The following RXFP1 variants were observed in gnomAD, a reference collection of about 807,000 sequenced individuals.
RXFP1 encodes the protein relaxin family peptide receptor 1.
RXFP1 carries 73 observed loss-of-function variants against 89.8 expected under a neutral mutation model. The observed-to-expected ratio is 0.81, with a 90% CI of 0.67 to 0.99. The LOEUF (loss-of-function observed/expected upper bound fraction) is 0.99. Ranked by LOEUF, RXFP1 falls within the 50% of genes least tolerant of loss-of-function variation. The pLI is 0.00. For missense variants in RXFP1, 793 were observed against 895.5 expected (o/e 0.89, Z 1.46); for synonymous variants, 277 against 305.5 (o/e 0.91, Z 0.97).
At chr4:158,574,175 T>C (rs982354126) in intron 2 of RXFP1, among the ~76,000 whole-genome samples, 4 of 152,284 alleles carry the variant, frequency 2.6e-5, no homozygotes, top group Middle Eastern at 3.4e-3. Context: ...AGTAGTAAGA[T>C]TTCTCACCTG....
At chr4:158,549,285 T>G (rs904775430) in intron 1 of RXFP1, among the ~76,000 whole-genome samples, 69 of 152,260 alleles carry the variant, frequency 4.5e-4, no homozygotes, top group Middle Eastern at 3.2e-3. Context: ...TTCTCGAGCC[T>G]TGGCTTTCAG....
intron 1 of RXFP1, among the ~76,000 whole-genome samples, chr4:158,549,555 C>T (rs1749526133): frequency 1.3e-5 from 2 of 152,258 alleles, no homozygotes; most frequent in South Asian, 2.1e-4. Context: ...AGTTTTTCTG[C>T]TCTGTTTTTT....
At chr4:158,567,250 C>A (rs1246403495) in intron 1 of RXFP1, among the ~76,000 whole-genome samples, 2 of 152,168 alleles carry the variant, frequency 1.3e-5, no homozygotes, top group Non-Finnish European at 2.9e-5. Context: ...TCCAGGGCAC[C>A]CAGTCCCATT....
At chr4:158,550,746 A>G (rs1002875746) in intron 1 of RXFP1, among the ~76,000 whole-genome samples, 23 of 152,198 alleles carry the variant, frequency 1.5e-4, no homozygotes, top group African/African-American at 4.8e-4. Context: ...GTAAAGGCAC[A>G]TTGGTTAAGA....
At chr4:158,644,462 CATAACTTCA>C (rs1771114280) in intron 14 of RXFP1, among the ~76,000 whole-genome samples, 1 of 150,888 alleles carries the variant, frequency 6.6e-6, no homozygotes, top group Non-Finnish European at 1.5e-5. Flanking sequence ...GAAATAACAT[CATAACTTCA>C]ATAACAAAAA....
At chr4:158,616,329 T>G (rs1764559045) in intron 8 of RXFP1, among the ~76,000 whole-genome samples, 1 of 152,036 alleles carries the variant, frequency 6.6e-6, no homozygotes, top group Non-Finnish European at 1.5e-5. Flanking sequence ...CTCAGGAGGC[T>G]GAGGCAGGAG....
At chr4:158,547,425 A>G (rs1367109963) in intron 1 of RXFP1, among the ~76,000 whole-genome samples, 2 of 152,066 alleles carry the variant, frequency 1.3e-5, no homozygotes, top group African/African-American at 2.4e-5. Flanking sequence ...AAATTTTTGA[A>G]GGGTTTTTTG....
At chr4:158,542,602 C>T (rs767135664) in intron 1 of RXFP1, among the ~76,000 whole-genome samples, 2 of 152,074 alleles carry the variant, frequency 1.3e-5, no homozygotes, top group Non-Finnish European at 2.9e-5. Context: ...CTGCCTTGTT[C>T]CTCTAATTGT....
intron 1 of RXFP1, among the ~76,000 whole-genome samples, chr4:158,560,169 A>G (rs1322762079): frequency 6.6e-6 from 1 of 152,232 alleles, no homozygotes; most frequent in Non-Finnish European, 1.5e-5. Context: ...AGTATTGTCT[A>G]CATATCAGTC....
intron 1 of RXFP1, among the ~76,000 whole-genome samples, chr4:158,567,795 G>A (rs949743987): frequency 3.6e-4 from 55 of 152,224 alleles, no homozygotes; most frequent in African/African-American, 1.3e-3. Flanking sequence ...CAGACCAATC[G>A]GCTCTCTGTA....
rs369581186 is a variant in RXFP1, at chr4:158,551,838, G to A, written c.50-20860G>A. Among the ~76,000 whole-genome samples the A allele has an allele frequency of 2.5e-4, 38 of 152,218 alleles. 1 individual carries two copies. The East Asian group carries it at 7.2e-3, about 29-fold the overall frequency. On this transcript the variant is annotated intron_variant, in intron 1 of 17. Transcript: ENST00000307765. ...TGCCTGTAGTCCCAGCTACTCAGGAGGCTGAGGTAGGAGGATTGCTTGAGC... is the reference window on the plus strand; with the variant it reads ...TGCCTGTAGTCCCAGCTACTCAGGAAGCTGAGGTAGGAGGATTGCTTGAGC...
intron 1 of RXFP1, among the ~76,000 whole-genome samples, chr4:158,531,281 C>A (rs1743984916): frequency 2.0e-5 from 3 of 152,338 alleles, no homozygotes; most frequent in Admixed American, 2.0e-4. Context: ...AGCCATCTGC[C>A]TACCTCAGCC....
chr4:158,580,797 T>A (rs1561059052), intron 2 of RXFP1, among the ~76,000 whole-genome samples: 1 of 152,176 alleles, frequency 6.6e-6, no homozygotes, highest in Non-Finnish European at 1.5e-5. Context: ...GCATGACTAC[T>A]TTTTTTATTA....
chr4:158,567,888 C>G (rs573237318), intron 1 of RXFP1, among the ~76,000 whole-genome samples: 3 of 152,186 alleles, frequency 2.0e-5, no homozygotes, highest in Non-Finnish European at 4.4e-5. Context: ...GCAACCCGCT[C>G]GGGTCTCCTT....
intron 10 of RXFP1, among the ~76,000 whole-genome samples, chr4:158,627,534 TG>T (rs1767129111): frequency 6.6e-6 from 1 of 151,720 alleles, no homozygotes; most frequent in African/African-American, 2.4e-5. Flanking sequence ...TGTGTGTGTG[TG>T]TGTGTGTGTG....
Position 158,542,109 on chromosome 4 carries a change from A to ATATTTTTT in RXFP1, c.49+20085_49+20086insATTTTTTT. On this transcript the variant is annotated intron_variant, in intron 1 of 17. Transcript: ENST00000307765. ...TATATATATATATATATATATATAT[A>ATATTTTTT]TTTTTTTTTTAGTAGAGACAGGGTT... Among the ~76,000 whole-genome samples the ATATTTTTT allele has an allele frequency of 2.6e-3, 91 of 35,230 alleles. 4 individuals are homozygous for ATATTTTTT. Among genetic ancestry groups the ATATTTTTT allele is most frequent in the South Asian group, 4.9e-3 (6 of 1,230 alleles). The allele number at this position is 35,230 out of a possible 152,430, so 23.1% of individuals were successfully genotyped here.
At chr4:158,545,397 G>C (rs552166323) in intron 1 of RXFP1, among the ~76,000 whole-genome samples, 2 of 152,212 alleles carry the variant, frequency 1.3e-5, no homozygotes, top group Admixed American at 1.3e-4. Flanking sequence ...CATTTTGTAG[G>C]TTGTCTGTTC....
intron 1 of RXFP1, among the ~76,000 whole-genome samples, chr4:158,546,363 G>A (rs1009333079): frequency 2.6e-5 from 4 of 152,116 alleles, no homozygotes; most frequent in African/African-American, 9.7e-5. Flanking sequence ...GAGACAATGG[G>A]GTTTTCTAGG....
intron 8 of RXFP1, among the ~76,000 whole-genome samples, chr4:158,615,668 G>A (rs1242040029): frequency 6.6e-6 from 1 of 152,126 alleles, no homozygotes. Context: ...TTGATGGCTG[G>A]GCAGGGTGGC....
Sources: gnomAD v4.1 joint callset for allele counts (sites outside exome capture counted in the v4.1 genomes callset) on GRCh38, gnomAD v4.1.1 for gene constraint, MANE v1.5 for transcripts, NCBI Gene and HGNC (gene_info 2026-07-23, HGNC 2026-07-21) for gene names.